The following RELN variants were observed in gnomAD, a reference collection of about 807,000 sequenced individuals.
The protein encoded by RELN is reelin.
A neutral mutation model predicts 427.6 loss-of-function variants in RELN; 108 were observed. The ratio of observed to expected loss-of-function variants is 0.25; its 90% CI spans 0.22 to 0.30. The LOEUF (loss-of-function observed/expected upper bound fraction) is 0.30, where lower values mean the gene tolerates loss of function less well. Ranked by LOEUF, RELN falls within the 10% of genes least tolerant of loss-of-function variation. RELN has a pLI of 1.00. For missense variants in RELN, 3,715 were observed against 4,302.8 expected, an observed-to-expected ratio of 0.86 and a Z score of 3.82; for synonymous variants, 1,524 against 1,513.4, an observed-to-expected ratio of 1.01 and a Z score of -0.16.
intron 2 of RELN, among the ~76,000 whole-genome samples, chr7:103,841,307 T>A (rs772138729): frequency 1.3e-5 from 2 of 152,220 alleles, no homozygotes; most frequent in Non-Finnish European, 2.9e-5. Flanking sequence ...TGTAAAGCCA[T>A]GATTCCTTTA....
intron 51 of RELN, among the ~76,000 whole-genome samples, chr7:103,508,505 TA>T (rs1201359555): frequency 6.6e-6 from 1 of 152,224 alleles, no homozygotes; most frequent in Non-Finnish European, 1.5e-5. Flanking sequence ...TATCTCAAAA[TA>T]ATAAGAGCTA....
At chr7:103,961,418 T>C (rs1168382760) in intron 1 of RELN, among the ~76,000 whole-genome samples, 1 of 152,176 alleles carries the variant, frequency 6.6e-6, no homozygotes, top group Non-Finnish European at 1.5e-5. Context: ...TGGAATCATT[T>C]ATATTTTTCA....
chr7:103,688,260 C>G (rs910124647), intron 10 of RELN, among the ~76,000 whole-genome samples: 8 of 152,106 alleles, frequency 5.3e-5, no homozygotes, highest in African/African-American at 1.9e-4. Flanking sequence ...TCAGGTTTAT[C>G]CTCATTAGAA....
At chr7:103,540,547 C>T (rs747151540) in intron 43 of RELN, 92 bp from the exon 44 acceptor site, 86 of 1,152,042 alleles carry the variant, frequency 7.5e-5, no homozygotes, top group Non-Finnish European at 1.0e-4. Context: ...TGCAGGGGAA[C>T]GAAAGGCCTC....
intron 1 of RELN, among the ~76,000 whole-genome samples, chr7:103,938,508 CA>C (rs549004441): frequency 1.3e-5 from 2 of 151,994 alleles, no homozygotes; most frequent in Non-Finnish European, 2.9e-5. Flanking sequence ...TCATATTTCT[CA>C]AAAGGTGAAA....
intron 3 of RELN, among the ~76,000 whole-genome samples, chr7:103,799,440 T>A (rs561266525): frequency 6.6e-6 from 1 of 152,184 alleles, no homozygotes; most frequent in African/African-American, 2.4e-5. Flanking sequence ...TTATCAGTAT[T>A]CTTCTGTCAC....
chr7:103,661,387 T>C lies in RELN; in HGVS notation c.1430A>G (p.Tyr477Cys). Residue 477 changes from tyrosine to cysteine, a missense_variant, in exon 12 of 65, where the codon TAC becomes TGC. Around this residue, in one of 4 missense-constraint regions of RELN, gnomAD observed 2,208 missense variants for 2,361.7 expected, o/e 0.93. Coordinates refer to ENST00000428762, the MANE Select transcript of RELN (RefSeq NM_005045.4). Reference sequence around the variant, plus strand: ...GAAAATGTACTTACCCATCACAAAGTAAAACCTCAGGTTCCCATAACCGGT... The same window carrying C: ...GAAAATGTACTTACCCATCACAAAGCAAAACCTCAGGTTCCCATAACCGGT... ...DTTGYGNLRFYFVMGGICDPG... is the reference protein window; with the variant it reads ...DTTGYGNLRFCFVMGGICDPG... The C allele has an allele frequency of 3.1e-6, 5 of 1,613,934 alleles. No homozygotes were observed. Among genetic ancestry groups the C allele is most frequent in the Non-Finnish European group, 4.2e-6 (5 of 1,179,912 alleles).
chr7:103,515,836 G>C (rs920743412), intron 49 of RELN, among the ~76,000 whole-genome samples: 5 of 152,214 alleles, frequency 3.3e-5, no homozygotes, highest in African/African-American at 1.2e-4. Context: ...TCCTTCCCTG[G>C]CACCTTGTTT....
chr7:103,576,388 C>T (rs964840066), intron 28 of RELN, among the ~76,000 whole-genome samples: 9 of 152,192 alleles, frequency 5.9e-5, no homozygotes, highest in African/African-American at 2.2e-4. Context: ...GATCTGCCCG[C>T]CTCAGCCTCC....
chr7:103,817,734 G>C (rs2116360841), intron 3 of RELN, among the ~76,000 whole-genome samples: 1 of 151,884 alleles, frequency 6.6e-6, no homozygotes, highest in East Asian at 1.9e-4. Flanking sequence ...ATCACCTGAG[G>C]TCAGGAGTTT....
chr7:103,603,235 A>G lies in RELN; in HGVS notation c.3333+69T>C. On this transcript the variant is annotated intron_variant, in intron 24 of 64. Coordinates refer to ENST00000428762, the MANE Select transcript of RELN (RefSeq NM_005045.4). The surrounding 1 kb of genome is among the most constrained non-coding windows in gnomAD (Gnocchi z 4.3). ...CAATAGAACCACTTCATATTTGTAC[A>G]TTTGGAATTCAGAGTCTCATATTAA... 1 of 1,262,630 alleles carries G rather than the reference A, an allele frequency of 7.9e-7. No homozygotes were observed. The highest frequency in any genetic ancestry group is 1.7e-5 in the Admixed American group (1 of 59,530). 78.2% of individuals were successfully genotyped at this position (1,262,630 alleles called of 1,614,324 possible).
At chr7:103,909,525 T>C (rs1276132067) in intron 2 of RELN, among the ~76,000 whole-genome samples, 1 of 147,376 alleles carries the variant, frequency 6.8e-6, no homozygotes, top group Non-Finnish European at 1.5e-5. Context: ...GAGAATTGCT[T>C]GAACCTGGGA....
chr7:103,744,385 C>T (rs1016877261), intron 6 of RELN, among the ~76,000 whole-genome samples: 85 of 152,036 alleles, frequency 5.6e-4, no homozygotes, highest in African/African-American at 1.9e-3. Context: ...CATTCAAAAG[C>T]TAGCAGAAGG....
At chr7:103,733,864 G>A (rs980516178) in intron 6 of RELN, among the ~76,000 whole-genome samples, 4 of 151,478 alleles carry the variant, frequency 2.6e-5, no homozygotes, top group Admixed American at 1.3e-4. Context: ...TGGGTGCAGC[G>A]CACCAGCATG....
At chr7:103,946,861 C>A (rs1796230061) in intron 1 of RELN, among the ~76,000 whole-genome samples, 1 of 152,130 alleles carries the variant, frequency 6.6e-6, no homozygotes, top group Admixed American at 6.6e-5. Flanking sequence ...AATGTGATTG[C>A]CTTTCATCCA....
At chr7:103,902,977 T>C (rs1795114993) in intron 2 of RELN, among the ~76,000 whole-genome samples, 1 of 152,148 alleles carries the variant, frequency 6.6e-6, no homozygotes, top group Admixed American at 6.6e-5. Flanking sequence ...TGGATTTAAC[T>C]GCCAGGAAAA....
At chr7:103,543,298 A>T (rs1291654837) in intron 42 of RELN, among the ~76,000 whole-genome samples, 2 of 152,184 alleles carry the variant, frequency 1.3e-5, no homozygotes, top group Admixed American at 6.5e-5. Context: ...CAAAATATTT[A>T]AAAAAACAGT....
intron 2 of RELN, among the ~76,000 whole-genome samples, chr7:103,835,949 T>A (rs1006198499): frequency 5.3e-5 from 7 of 131,596 alleles, no homozygotes; most frequent in Admixed American, 7.8e-5. Context: ...AAACTCTCAA[T>A]TACCCTTTTT....
At position 103,629,925 on chromosome 7, in the gene RELN, T is replaced by C. The variant is rs1562930380; in HGVS notation, c.2702+15A>G. On this transcript the variant is annotated intron_variant, in intron 20 of 64. Transcript: ENST00000428762. Reference sequence around the variant, plus strand: ...CTAGTGCAAATTGTAACAATAACAATGATGAAATCCTTACCAAAGGGTCCA... The same window carrying C: ...CTAGTGCAAATTGTAACAATAACAACGATGAAATCCTTACCAAAGGGTCCA... 1 of 1,445,850 alleles carries C rather than the reference T, an allele frequency of 6.9e-7. No homozygotes were observed. The highest frequency in any genetic ancestry group is 1.1e-5 in the South Asian group (1 of 87,626). 89.6% of individuals were successfully genotyped at this position (1,445,850 alleles called of 1,614,324 possible). A position where few individuals can be genotyped will look rare whatever the true frequency, so the allele number is the denominator to read the frequency against.
Sources: gnomAD v4.1 joint callset for allele counts (sites outside exome capture counted in the v4.1 genomes callset) on GRCh38, gnomAD v4.1.1 for gene constraint, gnomAD v4.1.1 regional missense constraint, Gnocchi (gnomAD v3.1) non-coding constraint, MANE v1.5 for transcripts, NCBI Gene and HGNC (gene_info 2026-07-23, HGNC 2026-07-21) for gene names.